Variants in STK11IP observed in about 807,000 individuals in gnomAD.
STK11IP encodes the protein serine/threonine-protein kinase 11-interacting protein.
In STK11IP, 103 loss-of-function variants were observed where a neutral mutation model predicts 131.7. The observed-to-expected ratio is 0.78, with a 90% confidence interval of 0.67 to 0.92. The LOEUF (loss-of-function observed/expected upper bound fraction) is 0.92. Ranked by LOEUF, STK11IP falls within the 40% of genes least tolerant of loss-of-function variation. The pLI is 0.00. For missense variants in STK11IP, 1,315 were observed against 1,385.7 expected, an observed-to-expected ratio of 0.95 and a Z score of 0.81; for synonymous variants, 557 against 575.6, an observed-to-expected ratio of 0.97 and a Z score of 0.46.
At chr2:219,610,777 C>T (rs1277891903) in intron 17 of STK11IP, among the ~76,000 whole-genome samples, 3 of 152,160 alleles carry the variant, frequency 2.0e-5, no homozygotes, top group Non-Finnish European at 4.4e-5. Flanking sequence ...GGTGCTGTTA[C>T]GCTATTTAAA....
rs1200356694 is a variant in STK11IP at position 219,614,231 on chromosome 2, G to C, written c.2787G>C (p.Gln929His). ...CCACAGAGGAGGAGGTCACCCCCCA[G>C]CACCGGCTCTGGTGAGTCGATAGGA... ...VSATEEEVTP[Q>H]HRLWPLLEKD... The change falls in exon 22 of 25, where the codon CAG (glutamine) becomes CAC (histidine). Residue 929 changes from glutamine (Q) to histidine (H), a missense_variant. By Grantham distance (24) the Gln-to-His change is conservative (BLOSUM62 0). Transcript: ENST00000456909. 1.2e-6 allele frequency: 2 copies of C among 1,613,350 alleles called. No homozygotes were observed. The highest frequency in any genetic ancestry group is 2.2e-5 in the South Asian group (2 of 91,084).
At chr2:219,607,995 G>A in intron 13 of STK11IP, 52 bp from the exon 14 acceptor site, 1 of 1,571,296 alleles carries the variant, frequency 6.4e-7, no homozygotes, top group Non-Finnish European at 8.7e-7. Context: ...AAGGATTTGG[G>A]GCCATCTGTG....
chr2:219,609,161 G>A lies in STK11IP; in HGVS notation c.1874G>A (p.Arg625Gln), dbSNP rs200008222. The A allele has an allele frequency of 3.7e-6, 6 of 1,610,496 alleles. No individual in the cohort carries two copies. Among genetic ancestry groups the A allele is most frequent in the Admixed American group, 1.7e-5 (1 of 59,638 alleles). Reference protein sequence around the residue: ...SLRFSYICPDRQLRRYLVLEP... With the variant: ...SLRFSYICPDQQLRRYLVLEP... ...CGCTTCTCCTACATCTGCCCTGACC[G>A]GCAGTTGCGTCGCTATTTGGTGCTG... Residue 625 changes from arginine (R) to glutamine (Q), a missense_variant, in exon 16 of 25, where the codon CGG (arginine) becomes CAG (glutamine). Coordinates refer to ENST00000456909, the MANE Select transcript of STK11IP (RefSeq NM_052902.4).
intron 3 of STK11IP, 56 bp from the exon 4 acceptor site, chr2:219,601,585 T>G: frequency 6.4e-7 from 1 of 1,557,098 alleles, no homozygotes; most frequent in Non-Finnish European, 8.7e-7. Context: ...GAAGGAATGT[T>G]GAGGGCAGGA....
rs375636592 is a variant in STK11IP at position 219,607,105 on chromosome 2, C to T, written c.1187C>T (p.Pro396Leu). The change falls in exon 13 of 25, where the codon CCG becomes CTG. Residue 396 changes from proline to leucine, a missense_variant. Coordinates refer to ENST00000456909, the MANE Select transcript of STK11IP (RefSeq NM_052902.4). Reference sequence around the variant, plus strand: ...ATCTCTGAACCCAGTGATACGGACCCGGAGCCCCGAACTCTGAACCCCTCT... The same window carrying T: ...ATCTCTGAACCCAGTGATACGGACCTGGAGCCCCGAACTCTGAACCCCTCT... ...ASISEPSDTDPEPRTLNPSPA... is the reference protein window; with the variant it reads ...ASISEPSDTDLEPRTLNPSPA... The T allele has an allele frequency of 2.2e-5, 35 of 1,613,782 alleles. No individual in the cohort carries two copies. The highest frequency in any genetic ancestry group is 1.9e-4 in the African/African-American group (14 of 74,916).
chr2:219,601,384 G>A lies in STK11IP; in HGVS notation c.211G>A (p.Val71Ile). ...GCCCTCCCATCCTGCCGACTCCCCT[G>A]TTATTCTTCAGCTTCAGTTTCTCTT... ...ALPSHPADSP[V>I]ILQLQFLFDV... Residue 71 changes from valine (V) to isoleucine (I), a missense_variant, in exon 3 of 25, where the codon GTT becomes ATT. Physicochemically the swap from Val to Ile is conservative, Grantham distance 29. Coordinates refer to ENST00000456909, the MANE Select transcript of STK11IP (RefSeq NM_052902.4). 1 of 1,614,046 alleles carries A rather than the reference G, an allele frequency of 6.2e-7. No homozygotes were observed. The highest frequency in any genetic ancestry group is 8.5e-7 in the Non-Finnish European group (1 of 1,179,902).
At chr2:219,602,188 C>T (rs1698009291) in intron 5 of STK11IP, 105 bp downstream of exon 5, 4 of 850,370 alleles carry the variant, frequency 4.7e-6, no homozygotes, top group East Asian at 2.6e-5. Context: ...TCCTGCTTCC[C>T]TCTAGACAGT....
intron 23 of STK11IP, 88 bp from the exon 24 acceptor site, chr2:219,615,006 C>T (rs1035354394): frequency 3.4e-6 from 5 of 1,473,986 alleles, no homozygotes; most frequent in South Asian, 2.7e-5. Context: ...GTGGTTCACA[C>T]CTCTTCTCCC....
In STK11IP at chr2:219,608,677, G is replaced by A. The variant is rs779213823; in HGVS notation, c.1698G>A (p.Leu566=). The change falls in exon 15 of 25, where the codon CTG becomes CTA. Residue 566 remains leucine (L), a synonymous_variant. Coordinates refer to ENST00000456909, the MANE Select transcript of STK11IP (RefSeq NM_052902.4). ...TTCTCAGGGTCACTTCTGCCCACCT[G>A]TTTGAGGTGGAACTCCAAGCAGCTC... ...ECFLRVTSAH[L]FEVELQAART... 2.6e-5 allele frequency: 42 copies of A among 1,613,634 alleles called. No individual in the cohort carries two copies. Among genetic ancestry groups the A allele is most frequent in the Non-Finnish European group, 3.5e-5 (41 of 1,179,872 alleles).
chr2:219,612,487 G>A lies in STK11IP; in HGVS notation c.2439+429G>A, dbSNP rs146836596. Among the ~76,000 whole-genome samples, 394 of 152,374 alleles carry A rather than the reference G, an allele frequency of 2.6e-3. 3 individuals are homozygous for A. The highest frequency in any genetic ancestry group is 9.0e-3 in the African/African-American group (373 of 41,590). ...GACAATGATTATGCAATATGCAAAT[G>A]CTGTAATCGGGCTAAGGCCCTTGAA... On this transcript the variant is annotated intron_variant, in intron 19 of 24. Coordinates refer to ENST00000456909, the MANE Select transcript of STK11IP (RefSeq NM_052902.4).
chr2:219,600,655 A>G (rs1407830860), intron 2 of STK11IP, among the ~76,000 whole-genome samples: 1 of 152,260 alleles, frequency 6.6e-6, no homozygotes, highest in Non-Finnish European at 1.5e-5. Flanking sequence ...AGCAGTTTTA[A>G]CAGACAGCAA....
chr2:219,601,483 G>C, intron 3 of STK11IP, 43 bp downstream of exon 3: 1 of 1,601,822 alleles, frequency 6.2e-7, no homozygotes, highest in East Asian at 2.2e-5. Flanking sequence ...AGGAGCCCAA[G>C]AGAATGATGG....
At chr2:219,606,128 G>C in intron 9 of STK11IP, 67 bp from the exon 10 acceptor site, 1 of 1,544,004 alleles carries the variant, frequency 6.5e-7, no homozygotes, top group Non-Finnish European at 8.8e-7. Context: ...GGTTTGGTCA[G>C]TGCCTTCTTC....
chr2:219,608,902 G>T (rs1317930802), intron 15 of STK11IP, 114 bp downstream of exon 15: 1 of 1,265,636 alleles, frequency 7.9e-7, no homozygotes. Context: ...TAGGAGCCGA[G>T]GAGGGGAGCC....
chr2:219,602,439 G>A (rs1171198542), intron 5 of STK11IP, 29 bp from the exon 6 acceptor site: 1 of 1,556,558 alleles, frequency 6.4e-7, no homozygotes, highest in South Asian at 1.1e-5. Flanking sequence ...GGGAGGGTGG[G>A]GTAATGAAGC....
At chr2:219,615,046 T>A (rs773865000) in intron 23 of STK11IP, 48 bp from the exon 24 acceptor site, 1 of 1,578,210 alleles carries the variant, frequency 6.3e-7, no homozygotes, top group African/African-American at 1.3e-5. Context: ...GCCCCAGGGA[T>A]CTGGGCCCCT....
At chr2:219,613,583 G>T (rs1411742358) in intron 20 of STK11IP, among the ~76,000 whole-genome samples, 169 bp from the exon 21 acceptor site, 1 of 126,352 alleles carries the variant, frequency 7.9e-6, no homozygotes, top group Non-Finnish European at 1.7e-5. Context: ...GGGTGAGTGA[G>T]GGGGAGATGG....
intron 22 of STK11IP, 99 bp from the exon 23 acceptor site, chr2:219,614,377 C>A: frequency 2.0e-6 from 3 of 1,516,240 alleles, no homozygotes; most frequent in South Asian, 1.2e-5. Flanking sequence ...CCCCTAGTGT[C>A]TCCTCCCAAC....
chr2:219,616,037 C>G lies in STK11IP; in HGVS notation c.3118-7C>G, dbSNP rs1393262296. 1.2e-6 allele frequency: 2 copies of G among 1,613,178 alleles called. No individual in the cohort carries two copies. The highest frequency in any genetic ancestry group is 1.7e-5 in the Admixed American group (1 of 59,996). ...AGCCTCGCCTTGCTAACTGCTCGGTCTGCCAGGTGTCCCGGCTGGAGAGCT... is the reference window on the plus strand; with the variant it reads ...AGCCTCGCCTTGCTAACTGCTCGGTGTGCCAGGTGTCCCGGCTGGAGAGCT... On this transcript the variant is annotated splice_polypyrimidine_tract_variant and splice_region_variant and intron_variant, in intron 24 of 24. Transcript: ENST00000456909.
Sources: gnomAD v4.1 joint callset for allele counts (sites outside exome capture counted in the v4.1 genomes callset) on GRCh38, gnomAD v4.1.1 for gene constraint, MANE v1.5 for transcripts, NCBI Gene and HGNC (gene_info 2026-07-23, HGNC 2026-07-21) for gene names.